Variants in TMEM178B observed in about 807,000 individuals in gnomAD.
TMEM178B encodes the protein transmembrane protein 178B.
Under a neutral mutation model 31.0 loss-of-function variants are expected in TMEM178B, and 5 were observed. That is an observed-to-expected ratio of 0.16 (90% CI 0.08 to 0.34). The LOEUF is 0.34. Ranked by LOEUF, TMEM178B falls within the 10% of genes least tolerant of loss-of-function variation. The pLI, the probability that TMEM178B is intolerant of heterozygous loss-of-function variation, is 1.00. For synonymous variants in TMEM178B, 164 were observed against 164.0 expected, an observed-to-expected ratio of 1.00 and a Z score of 0.00; for missense variants, 275 against 400.3, an observed-to-expected ratio of 0.69 and a Z score of 2.67.
chr7:141,136,723 C>T (rs975052257), intron 1 of TMEM178B, among the ~76,000 whole-genome samples: 6 of 151,924 alleles, frequency 3.9e-5, no homozygotes, highest in African/African-American at 1.5e-4. Context: ...AGTGGGCAAT[C>T]GGCACAGTGG....
chr7:141,464,656 C>G (rs1239943994), intron 3 of TMEM178B, among the ~76,000 whole-genome samples: 1 of 152,304 alleles, frequency 6.6e-6, no homozygotes. Context: ...TATCATAAAG[C>G]TTGACCCAAA....
chr7:141,395,474 G>A (rs1800621357), intron 2 of TMEM178B, among the ~76,000 whole-genome samples: 1 of 152,138 alleles, frequency 6.6e-6, no homozygotes, highest in Non-Finnish European at 1.5e-5. Flanking sequence ...CACCTCACAA[G>A]TAGATAGCAT....
intron 2 of TMEM178B, among the ~76,000 whole-genome samples, chr7:141,343,518 G>C (rs1041645592): frequency 1.3e-5 from 2 of 149,000 alleles, no homozygotes; most frequent in African/African-American, 5.0e-5. Flanking sequence ...AGCTGTGATG[G>C]GAGCACCTTT....
intron 1 of TMEM178B, among the ~76,000 whole-genome samples, chr7:141,124,324 G>C (rs2129176827): frequency 6.6e-6 from 1 of 152,150 alleles, no homozygotes; most frequent in African/African-American, 2.4e-5. Flanking sequence ...CCAAGATCAT[G>C]CCACTGCACT....
intron 1 of TMEM178B, among the ~76,000 whole-genome samples, chr7:141,091,453 AAAG>A (rs1794878693): frequency 6.6e-6 from 1 of 152,152 alleles, no homozygotes; most frequent in South Asian, 2.1e-4. Context: ...TTAACATTTC[AAAG>A]AAGGACATTT....
chr7:141,319,265 C>G (rs1363453944), intron 2 of TMEM178B, among the ~76,000 whole-genome samples: 1 of 152,240 alleles, frequency 6.6e-6, no homozygotes, highest in East Asian at 1.9e-4. Flanking sequence ...CCAGAACCTT[C>G]TGGCCATTTG....
At position 141,461,739 on chromosome 7, in the gene TMEM178B, C is replaced by T. The variant is rs570012673; in HGVS notation, c.635-8797C>T. On this transcript the variant is annotated intron_variant, in intron 3 of 3. Coordinates refer to ENST00000565468, the MANE Select transcript of TMEM178B (RefSeq NM_001195278.2). This position sits in a 1 kb window ranked among gnomAD's most constrained non-coding sequence, Gnocchi z 4.0. The stretch of plus-strand genomic sequence containing the variant: ...CTGTGTAGGCTAATCCAGCAACAAG[C>T]ACACAGGAAGCACTGCCTTGTCCAC... 1.3e-5 allele frequency among the ~76,000 whole-genome samples: 2 copies of T among 152,322 alleles called. No individual in the cohort carries two copies. Among genetic ancestry groups the T allele is most frequent in the Admixed American group, 6.5e-5 (1 of 15,300 alleles).
chr7:141,170,585 T>A (rs1187768200), intron 1 of TMEM178B, among the ~76,000 whole-genome samples: 1 of 152,246 alleles, frequency 6.6e-6, no homozygotes, highest in Non-Finnish European at 1.5e-5. Flanking sequence ...GGTCAGCTGT[T>A]ACCGATGGTG....
chr7:141,376,080 C>T (rs1800208173), intron 2 of TMEM178B, among the ~76,000 whole-genome samples: 1 of 152,304 alleles, frequency 6.6e-6, no homozygotes, highest in African/African-American at 2.4e-5. Context: ...CATTTGTCTC[C>T]CTTTTGATCT....
intron 2 of TMEM178B, among the ~76,000 whole-genome samples, chr7:141,306,759 C>T (rs1039049959): frequency 1.2e-4 from 18 of 152,100 alleles, no homozygotes; most frequent in East Asian, 1.9e-4. Context: ...CACAGTGACT[C>T]CCAGTCCTGA....
chr7:141,361,859 A>G (rs1256970444), intron 2 of TMEM178B, among the ~76,000 whole-genome samples: 1 of 152,252 alleles, frequency 6.6e-6, no homozygotes, highest in African/African-American at 2.4e-5. Flanking sequence ...AGCCCACTTC[A>G]TCATTAAAAT....
intron 2 of TMEM178B, among the ~76,000 whole-genome samples, chr7:141,327,889 A>G (rs2116485231): frequency 1.3e-5 from 2 of 152,342 alleles, no homozygotes; most frequent in South Asian, 4.1e-4. Flanking sequence ...GTAATTCAGC[A>G]TGAACACTAA....
intron 2 of TMEM178B, among the ~76,000 whole-genome samples, chr7:141,246,393 G>A (rs554935633): frequency 2.0e-5 from 3 of 152,292 alleles, no homozygotes; most frequent in East Asian, 3.9e-4. Flanking sequence ...GGTTCAGTAC[G>A]ATGTTTCTGA....
At chr7:141,305,183 T>C (rs1798795475) in intron 2 of TMEM178B, among the ~76,000 whole-genome samples, 1 of 152,166 alleles carries the variant, frequency 6.6e-6, no homozygotes, top group Non-Finnish European at 1.5e-5. Context: ...GGTTCTACCA[T>C]CACTTCACTG....
At chr7:141,497,205 TCAG>T in the TMEM178B span, among the ~76,000 whole-genome samples, 1 of 152,146 alleles carries the variant, frequency 6.6e-6, no homozygotes, top group African/African-American at 2.4e-5. Context: ...GAGAGAGACC[TCAG>T]GCAGGGGATC....
intron 1 of TMEM178B, among the ~76,000 whole-genome samples, chr7:141,188,778 A>C (rs1028052085): frequency 3.3e-5 from 5 of 152,226 alleles, no homozygotes; most frequent in Non-Finnish European, 7.3e-5. Flanking sequence ...GACACACAAA[A>C]ATTACAGGCT....
rs972008989 is a variant in TMEM178B, at chr7:141,478,804, G to C, written c.*8018G>C. 1.4e-4 allele frequency: 22 copies of C among 151,956 alleles called. No individual in the cohort carries two copies. The highest frequency in any genetic ancestry group is 5.1e-4 in the African/African-American group (21 of 41,208). The allele number at this position is 151,956 out of a possible 1,614,324, so 9.4% of individuals were successfully genotyped here. ...CACCTGACTACTGGTTGCTGTATAGGACAGCACGGACTTAGGTTCTTCATT... is the reference window on the plus strand; with the variant it reads ...CACCTGACTACTGGTTGCTGTATAGCACAGCACGGACTTAGGTTCTTCATT... On this transcript the variant is annotated 3_prime_UTR_variant, in exon 4 of 4. Transcript: ENST00000565468.
the TMEM178B span, among the ~76,000 whole-genome samples, chr7:141,489,109 C>T: frequency 6.6e-6 from 1 of 152,216 alleles, no homozygotes; most frequent in East Asian, 1.9e-4. Context: ...GTCGAATACA[C>T]AGCATAAGTG....
chr7:141,373,727 C>T (rs1237963905), intron 2 of TMEM178B, among the ~76,000 whole-genome samples: 2 of 152,222 alleles, frequency 1.3e-5, no homozygotes, highest in Non-Finnish European at 2.9e-5. Context: ...ACTGAGCCTA[C>T]AGCAGCCAAC....
Sources: gnomAD v4.1 joint callset for allele counts (sites outside exome capture counted in the v4.1 genomes callset) on GRCh38, gnomAD v4.1.1 for gene constraint, Gnocchi (gnomAD v3.1) non-coding constraint, MANE v1.5 for transcripts, NCBI Gene and HGNC (gene_info 2026-07-23, HGNC 2026-07-21) for gene names.